The following SKAP2 variants were observed in gnomAD, a reference collection of about 807,000 sequenced individuals.
SKAP2 encodes src kinase-associated phosphoprotein 2.
A neutral mutation model predicts 54.9 loss-of-function variants in SKAP2; 28 were observed. That is an observed-to-expected ratio of 0.51 (90% CI 0.38 to 0.70). The LOEUF (loss-of-function observed/expected upper bound fraction) is 0.70, where lower values mean the gene tolerates loss of function less well. SKAP2 is among the 30% of genes least tolerant of loss of function. SKAP2 has a pLI of 0.00. For synonymous variants in SKAP2, 137 were observed against 134.3 expected (o/e 1.02, Z -0.14); for missense variants, 356 against 424.1 (o/e 0.84, Z 1.41).
chr7:26,711,604 AG>A (rs1158213071), intron 9 of SKAP2, among the ~76,000 whole-genome samples: 2 of 152,192 alleles, frequency 1.3e-5, no homozygotes, highest in Non-Finnish European at 2.9e-5. Context: ...GGGTTAGTGA[AG>A]AGTTCAGTCT....
intron 4 of SKAP2, among the ~76,000 whole-genome samples, chr7:26,787,628 G>C (rs760174074): frequency 3.9e-5 from 6 of 152,050 alleles, no homozygotes; most frequent in Non-Finnish European, 7.4e-5. Context: ...CACCTGGCCA[G>C]GAAGCTTTTT....
chr7:26,856,466 T>C (rs1785166012), intron 1 of SKAP2, among the ~76,000 whole-genome samples: 1 of 152,192 alleles, frequency 6.6e-6, no homozygotes, highest in Non-Finnish European at 1.5e-5. Context: ...TATATTTTGA[T>C]GTGGGGGACA....
intron 3 of SKAP2, 44 bp downstream of exon 3, chr7:26,854,093 A>G (rs1445060427): frequency 1.8e-5 from 25 of 1,424,296 alleles, no homozygotes; most frequent in Non-Finnish European, 2.4e-5. Context: ...GAAAATTTCC[A>G]CAGAGGAAAA....
Position 26,755,986 on chromosome 7 carries a change from T to C in SKAP2, c.308-16022A>G, listed in dbSNP as rs569438386. ...GTATAAGCCAGAATATTCACTGATATACCATTTGTGACAACAGAAAGATGG... is the reference window on the plus strand; with the variant it reads ...GTATAAGCCAGAATATTCACTGATACACCATTTGTGACAACAGAAAGATGG... On this transcript the variant is annotated intron_variant, in intron 4 of 12. Transcript: ENST00000345317. Among the ~76,000 whole-genome samples, 59 of 152,278 alleles carry C rather than the reference T, an allele frequency of 3.9e-4. 1 individual carries two copies. Among genetic ancestry groups the C allele is most frequent in the African/African-American group, 1.3e-3 (55 of 41,564 alleles).
At chr7:26,663,650 A>G (rs1356073664), downstream of SKAP2, among the ~76,000 whole-genome samples, 1 of 152,182 alleles carries the variant, frequency 6.6e-6, no homozygotes, top group African/African-American at 2.4e-5. Flanking sequence ...AAACCAATCA[A>G]TTAAAACCCA....
At chr7:26,688,114 T>C (rs187452294) in intron 10 of SKAP2, among the ~76,000 whole-genome samples, 2 of 152,214 alleles carry the variant, frequency 1.3e-5, no homozygotes, top group Admixed American at 6.5e-5. Context: ...ATGAAACATG[T>C]AGACAGAGGA....
intron 4 of SKAP2, among the ~76,000 whole-genome samples, chr7:26,817,743 A>C (rs1225657246): frequency 6.6e-6 from 1 of 152,244 alleles, no homozygotes; most frequent in Non-Finnish European, 1.5e-5. Context: ...GCAAAGTCTC[A>C]GGATACAAAA....
At chr7:26,804,503 G>A (rs939494893) in intron 4 of SKAP2, among the ~76,000 whole-genome samples, 3 of 152,128 alleles carry the variant, frequency 2.0e-5, no homozygotes, top group Admixed American at 6.5e-5. Flanking sequence ...CACTTTGGGA[G>A]GCCAAGGCGG....
At chr7:26,683,914 T>C (rs1225718075) in intron 11 of SKAP2, among the ~76,000 whole-genome samples, 1 of 152,198 alleles carries the variant, frequency 6.6e-6, no homozygotes, top group Non-Finnish European at 1.5e-5. Context: ...TTTCTACTTA[T>C]ATTTCAACTG....
chr7:26,820,768 A>G (rs79467018), intron 4 of SKAP2, among the ~76,000 whole-genome samples: 3,127 of 152,298 alleles, frequency 0.021, 98 homozygotes, highest in African/African-American at 0.071. Context: ...TAAATAAAAT[A>G]TTGTCCAACA....
At chr7:26,782,608 T>C (rs79662251) in intron 4 of SKAP2, among the ~76,000 whole-genome samples, 3,989 of 152,134 alleles carry the variant, frequency 0.026, 172 homozygotes, top group African/African-American at 0.091. Context: ...GGTAGATCAC[T>C]TGAGTCTAGG....
chr7:26,814,935 A>G (rs477924), intron 4 of SKAP2, among the ~76,000 whole-genome samples: 129,209 of 152,096 alleles, frequency 0.85, 55,248 homozygotes, highest in East Asian at 0.99. Flanking sequence ...CATCAAAAAT[A>G]TCTAGTTAAG....
At position 26,677,394 on chromosome 7, in the gene SKAP2, T is replaced by TAAAAAAAAAAAAA. The variant is rs1322136047; in HGVS notation, c.988-7215_988-7203dup. Reference sequence around the variant, plus strand: ...GTGACAGAGCAAGACTCTGTCTCAATAAAAAAAAAAAAAAAAAAAAAGAAG... The same window carrying TAAAAAAAAAAAAA: ...GTGACAGAGCAAGACTCTGTCTCAATAAAAAAAAAAAAAAAAAAAAAAAAAAAAAAAAAAGAAG... On this transcript the variant is annotated intron_variant, in intron 11 of 12. Coordinates refer to ENST00000345317, the MANE Select transcript of SKAP2 (RefSeq NM_003930.5). Among the ~76,000 whole-genome samples, 288 of 72,900 alleles carry TAAAAAAAAAAAAA rather than the reference T, an allele frequency of 4.0e-3. 9 individuals carry two copies. The highest frequency in any genetic ancestry group is 0.015 in the African/African-American group (282 of 18,444). The allele number at this position is 72,900 out of a possible 152,430, so 47.8% of individuals were successfully genotyped here. A position where few individuals can be genotyped will look rare whatever the true frequency, so the allele number is the denominator to read the frequency against.
chr7:26,683,935 T>C (rs769743829), intron 11 of SKAP2, among the ~76,000 whole-genome samples: 1 of 152,198 alleles, frequency 6.6e-6, no homozygotes, highest in Non-Finnish European at 1.5e-5. Context: ...TTTTCCTACA[T>C]CATTTGTTTC....
chr7:26,678,807 A>G (rs921823206), intron 11 of SKAP2, among the ~76,000 whole-genome samples: 1 of 152,230 alleles, frequency 6.6e-6, no homozygotes, highest in Admixed American at 6.5e-5. Flanking sequence ...TTTACTAAAT[A>G]TCGACTCTAA....
intron 6 of SKAP2, among the ~76,000 whole-genome samples, chr7:26,732,700 G>C (rs574527222): frequency 1.3e-5 from 2 of 152,134 alleles, no homozygotes; most frequent in Non-Finnish European, 2.9e-5. Context: ...TGACTAGCAA[G>C]ATGTTCCAGC....
intron 1 of SKAP2, among the ~76,000 whole-genome samples, chr7:26,856,784 A>C (rs995669203): frequency 2.0e-5 from 3 of 152,206 alleles, no homozygotes; most frequent in Non-Finnish European, 2.9e-5. Context: ...AGTCTGCTTA[A>C]TGTTATTTTC....
At chr7:26,715,747 C>G (rs905245141) in intron 9 of SKAP2, among the ~76,000 whole-genome samples, 4 of 152,080 alleles carry the variant, frequency 2.6e-5, no homozygotes, top group African/African-American at 9.7e-5. Flanking sequence ...CCATTGCACT[C>G]CAGCCTGGGT....
chr7:26,725,604 G>A, intron 8 of SKAP2, 39 bp from the exon 9 acceptor site: 1 of 1,505,580 alleles, frequency 6.6e-7, no homozygotes, highest in South Asian at 1.2e-5. Flanking sequence ...TTAAAAGAAT[G>A]CAGAAGATAT....
Sources: gnomAD v4.1 joint callset for allele counts (sites outside exome capture counted in the v4.1 genomes callset) on GRCh38, gnomAD v4.1.1 for gene constraint, MANE v1.5 for transcripts, NCBI Gene and HGNC (gene_info 2026-07-23, HGNC 2026-07-21) for gene names.